Variants in THSD7B observed in about 807,000 individuals in gnomAD.
THSD7B encodes thrombospondin type 1 domain containing 7B.
THSD7B carries 138 observed loss-of-function variants against 213.6 expected under a neutral mutation model. That is an observed-to-expected ratio of 0.65 (90% CI 0.56 to 0.74). The LOEUF (loss-of-function observed/expected upper bound fraction) is 0.74, where lower values mean the gene tolerates loss of function less well. THSD7B is among the 30% of genes least tolerant of loss of function. The probability of loss-of-function intolerance (pLI) is 0.00; values close to 1 mark genes in which losing one functional copy is unlikely to be tolerated. For synonymous variants in THSD7B, 742 were observed against 687.0 expected (o/e 1.08, Z -1.25); for missense variants, 1,931 against 1,991.5 (o/e 0.97, Z 0.58).
intron 15 of THSD7B, among the ~76,000 whole-genome samples, chr2:137,502,784 C>T (rs1240133303): frequency 6.6e-6 from 1 of 152,116 alleles, no homozygotes; most frequent in East Asian, 1.9e-4. Context: ...AATCTCAGCC[C>T]CGCACAACAA....
chr2:136,971,820 T>C (rs1685409691), intron 2 of THSD7B, among the ~76,000 whole-genome samples: 1 of 152,056 alleles, frequency 6.6e-6, no homozygotes, highest in South Asian at 2.1e-4. Context: ...ATATCTCTCA[T>C]AATAAGAAGT....
chr2:137,213,168 C>T (rs2105036032), intron 7 of THSD7B, among the ~76,000 whole-genome samples: 1 of 151,354 alleles, frequency 6.6e-6, no homozygotes, highest in Non-Finnish European at 1.5e-5. Context: ...AACCATGTAC[C>T]CTTTGGTCTT....
chr2:137,656,172 C>T (rs1683233108), intron 22 of THSD7B, among the ~76,000 whole-genome samples: 1 of 151,822 alleles, frequency 6.6e-6, no homozygotes, highest in South Asian at 2.1e-4. Context: ...TATCTTAATC[C>T]TAGTAACACA....
intron 12 of THSD7B, among the ~76,000 whole-genome samples, chr2:137,401,413 C>T (rs1686357237): frequency 1.3e-5 from 2 of 152,152 alleles, no homozygotes; most frequent in South Asian, 2.1e-4. Context: ...TAATTCAATA[C>T]ACAGTAATTA....
At chr2:137,230,801 G>A (rs986447) in intron 7 of THSD7B, among the ~76,000 whole-genome samples, 26,771 of 152,082 alleles carry the variant, frequency 0.18, 3,105 homozygotes, top group South Asian at 0.4. Flanking sequence ...AGCCATCCGT[G>A]GCTAAATTGT....
intron 12 of THSD7B, among the ~76,000 whole-genome samples, chr2:137,285,275 AT>A (rs1683142039): frequency 6.6e-6 from 1 of 151,844 alleles, no homozygotes; most frequent in Non-Finnish European, 1.5e-5. Context: ...CCATCCCTGT[AT>A]TTTGAGCCTA....
At chr2:137,261,179 A>G (rs1050779439) in intron 10 of THSD7B, among the ~76,000 whole-genome samples, 13 of 152,136 alleles carry the variant, frequency 8.5e-5, no homozygotes, top group African/African-American at 2.7e-4. Flanking sequence ...GAGAGTCAAA[A>G]AGACAACAGG....
chr2:137,246,781 G>C (rs929860823), intron 10 of THSD7B, among the ~76,000 whole-genome samples: 8 of 148,796 alleles, frequency 5.4e-5, no homozygotes, highest in Non-Finnish European at 1.0e-4. Flanking sequence ...TTTTTTTGCT[G>C]TTTTCTTCTA....
intron 12 of THSD7B, among the ~76,000 whole-genome samples, chr2:137,398,679 T>A (rs1277869643): frequency 6.6e-6 from 1 of 152,142 alleles, no homozygotes; most frequent in East Asian, 1.9e-4. Context: ...CCTTGAGCTG[T>A]GGTGGGCTCC....
At chr2:137,551,452 T>C (rs900489146) in intron 15 of THSD7B, among the ~76,000 whole-genome samples, 1 of 152,126 alleles carries the variant, frequency 6.6e-6, no homozygotes, top group Non-Finnish European at 1.5e-5. Flanking sequence ...ATGTTATTCA[T>C]TGAGACTACA....
chr2:137,654,342 C>T (rs1683193052), intron 21 of THSD7B, among the ~76,000 whole-genome samples: 1 of 152,150 alleles, frequency 6.6e-6, no homozygotes, highest in South Asian at 2.1e-4. Context: ...TTGGTATCTC[C>T]TTTGGATGAA....
intron 4 of THSD7B, among the ~76,000 whole-genome samples, chr2:137,104,567 C>A (rs1688211978): frequency 6.6e-6 from 1 of 152,026 alleles, no homozygotes; most frequent in African/African-American, 2.4e-5. Flanking sequence ...CAGAGCAGAA[C>A]TGAAGGAGAT....
chr2:136,930,380 C>A (rs535063025), intron 2 of THSD7B, among the ~76,000 whole-genome samples: 2 of 152,068 alleles, frequency 1.3e-5, no homozygotes, highest in Non-Finnish European at 2.9e-5. Context: ...GTTAAGTATC[C>A]CAGAAGAATG....
intron 2 of THSD7B, among the ~76,000 whole-genome samples, chr2:136,958,460 A>C (rs1462640010): frequency 6.6e-6 from 1 of 152,170 alleles, no homozygotes; most frequent in East Asian, 1.9e-4. Flanking sequence ...AAAACCCCCA[A>C]CTTGGGAGGC....
intron 15 of THSD7B, among the ~76,000 whole-genome samples, chr2:137,505,048 G>C (rs894978886): frequency 1.3e-4 from 20 of 152,004 alleles, no homozygotes; most frequent in African/African-American, 4.6e-4. Context: ...AAAGGAGGGA[G>C]GGAGGGAGGA....
At position 137,517,238 on chromosome 2, in the gene THSD7B, G is replaced by A. The variant is rs1573679392; in HGVS notation, c.3139-45983G>A. Among the ~76,000 whole-genome samples the A allele has an allele frequency of 2.0e-5, 3 of 152,238 alleles. No homozygotes were observed. In the South Asian group the frequency reaches 6.2e-4, roughly 31 times the overall value. ...CTCTCCAGCTTTGTGTCATGATCTT[G>A]TTTGAAGAGACCTTGATCACTTTGT... On this transcript the variant is annotated intron_variant, in intron 15 of 27. Transcript: ENST00000409968.
intron 5 of THSD7B, among the ~76,000 whole-genome samples, chr2:137,159,483 A>G (rs1057285041): frequency 1.4e-5 from 2 of 143,574 alleles, no homozygotes; most frequent in Non-Finnish European, 2.9e-5. Flanking sequence ...AATAAAAAGA[A>G]AAAAAAAGCA....
At chr2:137,570,298 T>G (rs1423424405) in intron 16 of THSD7B, among the ~76,000 whole-genome samples, 1 of 150,844 alleles carries the variant, frequency 6.6e-6, no homozygotes, top group East Asian at 1.9e-4. Context: ...ATTACTATTA[T>G]TATTAATTAT....
intron 2 of THSD7B, among the ~76,000 whole-genome samples, chr2:136,910,734 T>A (rs996967729): frequency 6.6e-6 from 1 of 152,126 alleles, no homozygotes; most frequent in Non-Finnish European, 1.5e-5. Flanking sequence ...ACTTTGCTGG[T>A]TTTGCTATTT....
Sources: gnomAD v4.1 joint callset for allele counts (sites outside exome capture counted in the v4.1 genomes callset) on GRCh38, gnomAD v4.1.1 for gene constraint, MANE v1.5 for transcripts, NCBI Gene and HGNC (gene_info 2026-07-23, HGNC 2026-07-21) for gene names.